Variants in ADAMTS19 observed in about 807,000 individuals in gnomAD.
The protein encoded by ADAMTS19 is A disintegrin and metalloproteinase with thrombospondin motifs 19.
Under a neutral mutation model 153.3 loss-of-function variants are expected in ADAMTS19, and 93 were observed. The ratio of observed to expected loss-of-function variants is 0.61; its 90% CI spans 0.51 to 0.72. The LOEUF (loss-of-function observed/expected upper bound fraction) is 0.72, where lower values mean the gene tolerates loss of function less well. ADAMTS19 is among the 30% of genes least tolerant of loss of function. ADAMTS19 has a pLI of 0.00. For synonymous variants in ADAMTS19, 600 were observed against 556.6 expected (o/e 1.08, Z -1.10); for missense variants, 1,482 against 1,552.1 (o/e 0.95, Z 0.76).
intron 15 of ADAMTS19, among the ~76,000 whole-genome samples, chr5:129,661,643 C>CT (rs1233986154): frequency 3.9e-5 from 6 of 151,992 alleles, no homozygotes; most frequent in Admixed American, 6.6e-5. Flanking sequence ...GAAGCGTTTT[C>CT]TTTTTTTTCC....
chr5:129,679,049 C>A (rs1451366072), intron 16 of ADAMTS19, among the ~76,000 whole-genome samples: 1 of 152,118 alleles, frequency 6.6e-6, no homozygotes, highest in Non-Finnish European at 1.5e-5. Context: ...CATGATGTCT[C>A]ATTTCCGTGT....
chr5:129,651,074 G>A (rs1443863243), intron 13 of ADAMTS19, among the ~76,000 whole-genome samples: 1 of 152,116 alleles, frequency 6.6e-6, no homozygotes, highest in Non-Finnish European at 1.5e-5. Context: ...CACCTACCCG[G>A]CTTTCCTACT....
chr5:129,726,667 C>G (rs1757223841), intron 21 of ADAMTS19, among the ~76,000 whole-genome samples: 2 of 152,086 alleles, frequency 1.3e-5, no homozygotes. Flanking sequence ...ATGAATAAAA[C>G]TATATAGTGC....
intron 2 of ADAMTS19, among the ~76,000 whole-genome samples, chr5:129,468,942 A>G (rs545108261): frequency 1.3e-5 from 2 of 151,786 alleles, no homozygotes; most frequent in Non-Finnish European, 2.9e-5. Flanking sequence ...ACACCCAGCT[A>G]ATTTTTGTGT....
chr5:129,461,003 C>T lies in ADAMTS19; in HGVS notation c.92-99C>T. 8.0e-7 allele frequency: 1 copy of T among 1,245,568 alleles called. No individual in the cohort carries two copies. The allele number at this position is 1,245,568 out of a possible 1,614,324, so 77.2% of individuals were successfully genotyped here. The stretch of plus-strand genomic sequence containing the variant: ...GACGGGTGGTCTCCATTGCATTCAA[C>T]GCGAGCGCCCTGTATCTATGGACTG... On this transcript the variant is annotated intron_variant, in intron 1 of 22. Coordinates refer to ENST00000274487, the MANE Select transcript of ADAMTS19 (RefSeq NM_133638.6). The surrounding 1 kb of genome is among the most constrained non-coding windows in gnomAD (Gnocchi z 4.6).
intron 2 of ADAMTS19, among the ~76,000 whole-genome samples, chr5:129,494,118 T>C (rs1561538115): frequency 1.3e-5 from 2 of 152,200 alleles, no homozygotes; most frequent in Admixed American, 6.6e-5. Context: ...AAAATTATAT[T>C]GCTTTTAGTA....
chr5:129,707,071 G>A (rs1000028984), intron 21 of ADAMTS19, among the ~76,000 whole-genome samples: 2 of 152,106 alleles, frequency 1.3e-5, no homozygotes, highest in South Asian at 4.1e-4. Context: ...TGAACTACAC[G>A]GATATACATA....
chr5:129,634,908 A>T (rs2127007820), intron 10 of ADAMTS19, among the ~76,000 whole-genome samples: 2 of 151,524 alleles, frequency 1.3e-5, no homozygotes, highest in South Asian at 4.2e-4. Flanking sequence ...AGAGAGAGAG[A>T]GAAATGGGAT....
chr5:129,531,764 G>A lies in ADAMTS19; in HGVS notation c.1328+3087G>A, dbSNP rs147000626. Among the ~76,000 whole-genome samples, 433 of 152,040 alleles carry A rather than the reference G, an allele frequency of 2.8e-3. 3 individuals carry two copies. The highest frequency in any genetic ancestry group is 9.8e-3 in the African/African-American group (404 of 41,404). On this transcript the variant is annotated intron_variant, in intron 6 of 22. Coordinates refer to ENST00000274487, the MANE Select transcript of ADAMTS19 (RefSeq NM_133638.6). Reference sequence around the variant, plus strand: ...ATATGATTTCAAAACTTACTATAAAGGTTTGGAAATCAAGATAGTATGGTT... The same window carrying A: ...ATATGATTTCAAAACTTACTATAAAAGTTTGGAAATCAAGATAGTATGGTT...
intron 10 of ADAMTS19, among the ~76,000 whole-genome samples, chr5:129,626,888 G>C (rs575762941): frequency 6.6e-6 from 1 of 152,220 alleles, no homozygotes; most frequent in South Asian, 2.1e-4. Context: ...TACCAAGGTA[G>C]ATGGTTAGGA....
chr5:129,489,187 C>T (rs1337705382), intron 2 of ADAMTS19, among the ~76,000 whole-genome samples: 1 of 152,136 alleles, frequency 6.6e-6, no homozygotes, highest in Non-Finnish European at 1.5e-5. Context: ...AGGGCTTTGG[C>T]ACTGTTCTTT....
chr5:129,498,535 A>G (rs1236558051), intron 2 of ADAMTS19, among the ~76,000 whole-genome samples: 1 of 152,110 alleles, frequency 6.6e-6, no homozygotes, highest in Non-Finnish European at 1.5e-5. Context: ...TGTGACATAT[A>G]CACATGGGAC....
chr5:129,707,463 T>G (rs1202524097), intron 21 of ADAMTS19, among the ~76,000 whole-genome samples: 6 of 152,234 alleles, frequency 3.9e-5, no homozygotes, highest in Non-Finnish European at 8.8e-5. Context: ...TCAAACAGTG[T>G]GCACAAATTA....
At chr5:129,564,395 G>T (rs1237774385) in intron 7 of ADAMTS19, among the ~76,000 whole-genome samples, 1 of 152,140 alleles carries the variant, frequency 6.6e-6, no homozygotes, top group African/African-American at 2.4e-5. Flanking sequence ...ACTAAAGGAT[G>T]CATATTATTT....
intron 18 of ADAMTS19, among the ~76,000 whole-genome samples, chr5:129,689,207 A>T (rs945455681): frequency 3.3e-5 from 5 of 152,234 alleles, no homozygotes; most frequent in African/African-American, 1.2e-4. Flanking sequence ...AACATTCCAC[A>T]TTCTTCACAC....
intron 2 of ADAMTS19, among the ~76,000 whole-genome samples, chr5:129,495,108 C>T (rs529821039): frequency 4.6e-5 from 7 of 151,754 alleles, no homozygotes; most frequent in Non-Finnish European, 8.8e-5. Context: ...TTGTTAAATA[C>T]TGAGGGTGGA....
chr5:129,708,488 T>C (rs1756270451), intron 21 of ADAMTS19, among the ~76,000 whole-genome samples: 1 of 151,498 alleles, frequency 6.6e-6, no homozygotes. Flanking sequence ...TCTCTAATGT[T>C]TAATGAAATG....
intron 5 of ADAMTS19, among the ~76,000 whole-genome samples, 179 bp downstream of exon 5, chr5:129,528,010 T>C (rs939160958): frequency 1.3e-5 from 2 of 151,972 alleles, no homozygotes; most frequent in African/African-American, 4.8e-5. Context: ...ATTTAAAAAA[T>C]AAGATGTCGT....
Position 129,648,822 on chromosome 5 carries a change from T to C in ADAMTS19, c.2028T>C (p.Cys676=). 6.2e-7 allele frequency: 1 copy of C among 1,613,892 alleles called. No homozygotes were observed. The highest frequency in any genetic ancestry group is 8.5e-7 in the Non-Finnish European group (1 of 1,179,906). The part of the protein sequence containing the change: ...CPGLDSEARD[C]NGPRKQYRIC... ...GGCTAGATTCTGAAGCAAGGGATTG[T>C]AATGGTCCCAGAAAACAATACAGAA... Residue 676 remains cysteine (C), a synonymous_variant, in exon 13 of 23, where the codon TGT becomes TGC. Transcript: ENST00000274487.
Sources: gnomAD v4.1 joint callset for allele counts (sites outside exome capture counted in the v4.1 genomes callset) on GRCh38, gnomAD v4.1.1 for gene constraint, Gnocchi (gnomAD v3.1) non-coding constraint, MANE v1.5 for transcripts, NCBI Gene and HGNC (gene_info 2026-07-23, HGNC 2026-07-21) for gene names.